The following CLDN16 variants were observed in gnomAD, a reference collection of about 807,000 sequenced individuals.
CLDN16 encodes the protein claudin-16.
Under a neutral mutation model 24.6 loss-of-function variants are expected in CLDN16, and 13 were observed. That is an observed-to-expected ratio of 0.53 (90% CI 0.34 to 0.84). CLDN16 has a LOEUF of 0.84. Among genes scored for constraint, CLDN16 ranks in the 40% least tolerant of loss-of-function variants. The pLI is 0.01. For missense variants in CLDN16, 298 were observed against 292.7 expected (o/e 1.02, Z -0.13); for synonymous variants, 116 against 106.7 (o/e 1.09, Z -0.54).
chr3:190,362,212 C>T (rs1447191657), intron 1 of CLDN16, among the ~76,000 whole-genome samples: 2 of 151,946 alleles, frequency 1.3e-5, no homozygotes, highest in African/African-American at 4.8e-5. Context: ...AAAGAACGAA[C>T]CCTGGGTGTT....
chr3:190,314,534 G>A, the CLDN16 span, among the ~76,000 whole-genome samples: 95,827 of 151,406 alleles, frequency 0.63, 30,992 homozygotes, highest in East Asian at 0.83. Context: ...AGCTGGGACT[G>A]CAGGCACGAA....
At chr3:190,361,494 G>A (rs1022054084) in intron 1 of CLDN16, among the ~76,000 whole-genome samples, 2 of 151,884 alleles carry the variant, frequency 1.3e-5, no homozygotes, top group South Asian at 2.1e-4. Context: ...CTCCCTTCTT[G>A]ACTTGGCACC....
chr3:190,400,743 C>A (rs1287724560), intron 1 of CLDN16, among the ~76,000 whole-genome samples: 1 of 152,068 alleles, frequency 6.6e-6, no homozygotes, highest in Non-Finnish European at 1.5e-5. Context: ...TAGGTTGATT[C>A]CATGTCTTGG....
At chr3:190,301,513 A>G in the CLDN16 span, among the ~76,000 whole-genome samples, 1 of 151,824 alleles carries the variant, frequency 6.6e-6, no homozygotes, top group Non-Finnish European at 1.5e-5. Context: ...GAAGAAGAAG[A>G]AGAAGGGGAA....
At chr3:190,315,501 T>G in the CLDN16 span, among the ~76,000 whole-genome samples, 1 of 152,146 alleles carries the variant, frequency 6.6e-6, no homozygotes, top group Non-Finnish European at 1.5e-5. Flanking sequence ...GTCATATGAT[T>G]ATCTTGAGAA....
chr3:190,333,311 TA>T (rs1383291138), intron 1 of CLDN16, among the ~76,000 whole-genome samples: 2 of 152,176 alleles, frequency 1.3e-5, no homozygotes, highest in Non-Finnish European at 2.9e-5. Flanking sequence ...TTATTTTCCC[TA>T]AAAGGGTATT....
At chr3:190,353,447 T>C (rs529018950) in intron 1 of CLDN16, among the ~76,000 whole-genome samples, 1 of 152,156 alleles carries the variant, frequency 6.6e-6, no homozygotes, top group African/African-American at 2.4e-5. Context: ...AAAACATAAA[T>C]AAATGAATAA....
intron 1 of CLDN16, among the ~76,000 whole-genome samples, chr3:190,400,058 T>C (rs554957119): frequency 1.6e-4 from 25 of 152,206 alleles, no homozygotes; most frequent in Non-Finnish European, 3.5e-4. Context: ...ATGGAAAAAT[T>C]GTCTTGCACG....
chr3:190,307,291 C>A, the CLDN16 span: 2 of 152,080 alleles, frequency 1.3e-5, no homozygotes, highest in East Asian at 3.8e-4. Flanking sequence ...GATAATTACA[C>A]TTGGGAAAAC....
intron 1 of CLDN16, among the ~76,000 whole-genome samples, chr3:190,390,054 A>T (rs111390130): frequency 6.6e-6 from 1 of 152,218 alleles, no homozygotes; most frequent in Non-Finnish European, 1.5e-5. Context: ...TCATTTTAGT[A>T]TAACCAACCA....
chr3:190,324,091 G>A (rs912061073), intron 1 of CLDN16, among the ~76,000 whole-genome samples: 2 of 152,194 alleles, frequency 1.3e-5, no homozygotes, highest in Non-Finnish European at 2.9e-5. Flanking sequence ...GGAATTTGCT[G>A]CAGGACTAGA....
rs1719299253 is a variant in CLDN16 at position 190,412,075 on chromosome 3, T to C, written c.*2039T>C. 1.3e-5 allele frequency: 2 copies of C among 152,130 alleles called. No individual in the cohort carries two copies. Among genetic ancestry groups the C allele is most frequent in the South Asian group, 2.1e-4 (1 of 4,834 alleles). 9.4% of individuals were successfully genotyped at this position (152,130 alleles called of 1,614,324 possible). A position where few individuals can be genotyped will look rare whatever the true frequency, so the allele number is the denominator to read the frequency against. ...TATAAGAAAATATTTCAGAGAACCATGATGATAATGGATATGTGTGACTGT... is the reference window on the plus strand; with the variant it reads ...TATAAGAAAATATTTCAGAGAACCACGATGATAATGGATATGTGTGACTGT... On this transcript the variant is annotated 3_prime_UTR_variant, in exon 5 of 5. Coordinates refer to ENST00000264734, the MANE Select transcript of CLDN16 (RefSeq NM_006580.4).
intron 1 of CLDN16, among the ~76,000 whole-genome samples, chr3:190,338,221 G>A (rs569362442): frequency 6.6e-6 from 1 of 152,250 alleles, no homozygotes; most frequent in South Asian, 2.1e-4. Flanking sequence ...GAGAAGATAT[G>A]CTTTCACTCA....
At chr3:190,312,770 G>T in the CLDN16 span, 1 of 1,309,556 alleles carries the variant, frequency 7.6e-7, no homozygotes, top group Non-Finnish European at 1.1e-6. Context: ...TTTGCAGTTT[G>T]CCTTAGAGAC....
intron 1 of CLDN16, among the ~76,000 whole-genome samples, chr3:190,339,094 G>A (rs1717373640): frequency 6.6e-6 from 1 of 152,180 alleles, no homozygotes; most frequent in Non-Finnish European, 1.5e-5. Context: ...TATAATCTAT[G>A]TTCTAGAGAG....
intron 1 of CLDN16, among the ~76,000 whole-genome samples, chr3:190,330,946 A>T (rs777462428): frequency 6.6e-6 from 1 of 152,166 alleles, no homozygotes; most frequent in African/African-American, 2.4e-5. Flanking sequence ...AGCCTCAGAA[A>T]CAACTGCTTA....
chr3:190,347,522 A>T (rs1482260271), intron 1 of CLDN16, among the ~76,000 whole-genome samples: 1 of 152,178 alleles, frequency 6.6e-6, no homozygotes, highest in Non-Finnish European at 1.5e-5. Flanking sequence ...CATCATTACT[A>T]AATACTTATG....
At chr3:190,387,783 T>C, upstream of CLDN16, 1 of 339,936 alleles carries the variant, frequency 2.9e-6, no homozygotes, top group South Asian at 2.7e-5. Flanking sequence ...TTGTTTAGCA[T>C]AGTTTCACCA....
At chr3:190,298,502 C>G in the CLDN16 span, among the ~76,000 whole-genome samples, 4 of 147,592 alleles carry the variant, frequency 2.7e-5, no homozygotes, top group African/African-American at 7.6e-5. Context: ...GTTGCCCAGG[C>G]TGGAGTGCAA....
Sources: allele counts gnomAD v4.1 joint callset (sites outside exome capture counted in the v4.1 genomes callset), GRCh38; gene constraint gnomAD v4.1.1; transcripts MANE v1.5; gene names NCBI Gene and HGNC (gene_info 2026-07-23, HGNC 2026-07-21).